Variants in RBFOX1 observed in about 807,000 individuals in gnomAD.
The protein encoded by RBFOX1 is RNA binding fox-1 homolog 1.
Under a neutral mutation model 57.7 loss-of-function variants are expected in RBFOX1, and 8 were observed. The ratio of observed to expected loss-of-function variants is 0.14; its 90% CI spans 0.08 to 0.25. RBFOX1 has a LOEUF of 0.25. Ranked by LOEUF, RBFOX1 falls within the 10% of genes least tolerant of loss-of-function variation. The pLI, the probability that RBFOX1 is intolerant of heterozygous loss-of-function variation, is 1.00. For synonymous variants in RBFOX1, 326 were observed against 222.4 expected (o/e 1.47, Z -4.15); for missense variants, 611 against 548.5 (o/e 1.11, Z -1.14).
At chr16:5,663,284 C>T (rs138503479) in intron 3 of RBFOX1, among the ~76,000 whole-genome samples, 119 of 152,176 alleles carry the variant, frequency 7.8e-4, no homozygotes, top group African/African-American at 2.6e-3. Flanking sequence ...GAACATGGCT[C>T]ACTATAGCTT....
intron 2 of RBFOX1, among the ~76,000 whole-genome samples, chr16:5,477,952 C>A (rs1300256354): frequency 6.6e-6 from 1 of 152,160 alleles, no homozygotes; most frequent in Non-Finnish European, 1.5e-5. Context: ...CTCCTTGGTT[C>A]TCATTACGCA....
intron 3 of RBFOX1, 68 bp from the exon 4 acceptor site, chr16:7,051,989 T>G: frequency 1.9e-6 from 3 of 1,572,142 alleles, no homozygotes; most frequent in Non-Finnish European, 8.6e-7. Flanking sequence ...AGTAACTTTC[T>G]GTTTTCTTTC....
At chr16:7,481,556 C>G (rs533930832) in intron 4 of RBFOX1, among the ~76,000 whole-genome samples, 2 of 152,074 alleles carry the variant, frequency 1.3e-5, no homozygotes, top group African/African-American at 2.4e-5. Flanking sequence ...GTTAACTTAC[C>G]CTTCAGATGA....
intron 3 of RBFOX1, among the ~76,000 whole-genome samples, chr16:5,740,651 G>C (rs1004964250): frequency 2.0e-5 from 3 of 152,178 alleles, no homozygotes; most frequent in African/African-American, 7.2e-5. Context: ...CAGTATGATA[G>C]GCTCTGTTGT....
chr16:6,525,787 A>T (rs999497403), intron 2 of RBFOX1, among the ~76,000 whole-genome samples: 8 of 152,000 alleles, frequency 5.3e-5, no homozygotes, highest in African/African-American at 1.7e-4. Context: ...AGGGTCATGA[A>T]TCCCATTCAT....
intron 1 of RBFOX1, among the ~76,000 whole-genome samples, chr16:6,117,053 A>G (rs1340595267): frequency 2.0e-5 from 3 of 152,072 alleles, no homozygotes; most frequent in African/African-American, 7.2e-5. Context: ...TTCCTCTGCA[A>G]CTCCAAACTT....
At chr16:6,973,416 A>G (rs528174481) in intron 3 of RBFOX1, among the ~76,000 whole-genome samples, 16 of 152,326 alleles carry the variant, frequency 1.1e-4, no homozygotes, top group African/African-American at 3.8e-4. Context: ...TCAATCAGGA[A>G]GCATTCTTCC....
chr16:5,891,222 A>T (rs568629421), intron 4 of RBFOX1, among the ~76,000 whole-genome samples: 2 of 152,106 alleles, frequency 1.3e-5, no homozygotes, highest in Non-Finnish European at 2.9e-5. Flanking sequence ...CATGTGAGGG[A>T]CAGAGGTGTC....
intron 3 of RBFOX1, among the ~76,000 whole-genome samples, chr16:6,978,509 G>C (rs993280357): frequency 2.6e-5 from 4 of 152,170 alleles, no homozygotes; most frequent in Admixed American, 1.3e-4. Flanking sequence ...CCATTTTACA[G>C]AAAGGGAAGC....
intron 4 of RBFOX1, among the ~76,000 whole-genome samples, chr16:5,993,391 G>GAC (rs2060438044): frequency 7.5e-6 from 1 of 133,800 alleles, no homozygotes; most frequent in African/African-American, 2.6e-5. Context: ...GTGTGAGAGA[G>GAC]AGAGAGACAG....
chr16:6,083,625 C>A (rs1034596196), intron 1 of RBFOX1, among the ~76,000 whole-genome samples: 4 of 152,066 alleles, frequency 2.6e-5, no homozygotes, highest in African/African-American at 9.7e-5. Context: ...CACAGACGTG[C>A]GCCACCACGC....
At chr16:6,988,669 C>T (rs2090818384) in intron 3 of RBFOX1, among the ~76,000 whole-genome samples, 1 of 151,540 alleles carries the variant, frequency 6.6e-6, no homozygotes, top group Non-Finnish European at 1.5e-5. Context: ...GCCTCAGCCT[C>T]AGCCTCAGCC....
intron 2 of RBFOX1, among the ~76,000 whole-genome samples, chr16:6,542,960 C>A (rs1181496579): frequency 1.3e-5 from 2 of 152,114 alleles, no homozygotes; most frequent in Non-Finnish European, 2.9e-5. Flanking sequence ...CACAGTGCGG[C>A]ATCACTCTTA....
chr16:6,720,741 G>C (rs1356388832), intron 3 of RBFOX1, among the ~76,000 whole-genome samples: 2 of 152,178 alleles, frequency 1.3e-5, no homozygotes, highest in African/African-American at 4.8e-5. Context: ...GGAAACATGA[G>C]CTTCATTTCT....
At chr16:7,004,121 AGTTTT>A (rs1346893765) in intron 3 of RBFOX1, 5 of 151,912 alleles carry the variant, frequency 3.3e-5, no homozygotes, top group African/African-American at 7.3e-5. Flanking sequence ...ACTAGAAATC[AGTTTT>A]GTTTTGTACT....
intron 1 of RBFOX1, among the ~76,000 whole-genome samples, chr16:5,435,488 A>G (rs1809296090): frequency 6.6e-6 from 1 of 152,140 alleles, no homozygotes; most frequent in South Asian, 2.1e-4. Context: ...GCCCACTACG[A>G]TCCCTGGATC....
chr16:5,419,544 C>G (rs1450676426), intron 1 of RBFOX1, among the ~76,000 whole-genome samples: 1 of 151,952 alleles, frequency 6.6e-6, no homozygotes, highest in Non-Finnish European at 1.5e-5. Context: ...CATAGACACA[C>G]CCAGGAACAA....
intron 2 of RBFOX1, among the ~76,000 whole-genome samples, chr16:6,570,495 CTATA>C (rs998208504): frequency 6.6e-6 from 1 of 151,438 alleles, no homozygotes; most frequent in Non-Finnish European, 1.5e-5. Flanking sequence ...TGTACTCTCT[CTATA>C]TATATATATA....
In RBFOX1 at chr16:5,747,466, C is replaced by T. The variant is rs564244277; in HGVS notation, c.319-119837C>T. On this transcript the variant is annotated intron_variant, in intron 3 of 19. Coordinates refer to the RBFOX1 transcript ENST00000641259. ...CTAGTTTCGGAAGGAATGGTACCAGCTCCTTCTTGTACCTCTGGTAGAATT... is the reference window on the plus strand; with the variant it reads ...CTAGTTTCGGAAGGAATGGTACCAGTTCCTTCTTGTACCTCTGGTAGAATT... 6.2e-4 allele frequency among the ~76,000 whole-genome samples: 94 copies of T among 152,242 alleles called. 1 individual carries two copies. The highest frequency in any genetic ancestry group is 2.2e-3 in the African/African-American group (91 of 41,540).
Sources: gnomAD v4.1 joint callset for allele counts (sites outside exome capture counted in the v4.1 genomes callset) on GRCh38, gnomAD v4.1.1 for gene constraint, MANE v1.5 for transcripts, NCBI Gene and HGNC (gene_info 2026-07-23, HGNC 2026-07-21) for gene names.